The following CHL1 variants were observed in gnomAD, a reference collection of about 807,000 sequenced individuals.
The protein encoded by CHL1 is cell adhesion molecule L1 like.
A neutral mutation model predicts 141.9 loss-of-function variants in CHL1; 96 were observed. The ratio of observed to expected loss-of-function variants is 0.68; its 90% CI spans 0.57 to 0.80. The LOEUF is 0.80. Ranked by LOEUF, CHL1 falls within the 30% of genes least tolerant of loss-of-function variation. CHL1 has a pLI of 0.00. For missense variants in CHL1, 1,820 were observed against 1,457.2 expected, an observed-to-expected ratio of 1.25 and a Z score of -4.05; for synonymous variants, 613 against 502.2, an observed-to-expected ratio of 1.22 and a Z score of -2.95.
chr3:286,887 C>A (rs183488034), intron 2 of CHL1, among the ~76,000 whole-genome samples: 1 of 152,170 alleles, frequency 6.6e-6, no homozygotes, highest in African/African-American at 2.4e-5. Flanking sequence ...TGTCTTTTAG[C>A]GTGCTAATTA....
intron 7 of CHL1, among the ~76,000 whole-genome samples, chr3:342,781 A>G (rs1702440686): frequency 6.6e-6 from 1 of 152,144 alleles, no homozygotes; most frequent in African/African-American, 2.4e-5. Flanking sequence ...CTATAACTTG[A>G]ATCTTCTCCA....
At position 405,896 on chromosome 3, in the gene CHL1, C is replaced by A; in HGVS notation, c.*185C>A. 1.8e-6 allele frequency: 1 copy of A among 555,078 alleles called. No individual in the cohort carries two copies. Among genetic ancestry groups the A allele is most frequent in the Non-Finnish European group, 3.2e-6 (1 of 310,506 alleles). The allele number at this position is 555,078 out of a possible 1,614,324, so 34.4% of individuals were successfully genotyped here. A position where few individuals can be genotyped will look rare whatever the true frequency, so the allele number is the denominator to read the frequency against. Reference sequence around the variant, plus strand: ...TCAAAATATAAAATGCCAAGCACTTCAGGCCTATGTTTTGCTTATATTGTT... The same window carrying A: ...TCAAAATATAAAATGCCAAGCACTTAAGGCCTATGTTTTGCTTATATTGTT... On this transcript the variant is annotated 3_prime_UTR_variant, in exon 28 of 28. Coordinates refer to ENST00000256509, the MANE Select transcript of CHL1 (RefSeq NM_006614.4).
intron 1 of CHL1, among the ~76,000 whole-genome samples, chr3:222,998 T>G (rs1700992862): frequency 1.3e-5 from 2 of 152,172 alleles, no homozygotes; most frequent in South Asian, 4.1e-4. Flanking sequence ...GCTTCTCTTG[T>G]GTAAAGACAC....
intron 4 of CHL1, among the ~76,000 whole-genome samples, chr3:327,589 GA>G (rs1188062864): frequency 6.6e-6 from 1 of 151,770 alleles, no homozygotes; most frequent in East Asian, 1.9e-4. Context: ...TTCATAAAAG[GA>G]AAAACATTGA....
chr3:367,664 G>A (rs2125304108), intron 15 of CHL1, among the ~76,000 whole-genome samples: 2 of 151,516 alleles, frequency 1.3e-5, no homozygotes, highest in South Asian at 4.2e-4. Flanking sequence ...TTTAATTTTT[G>A]TTTTTCTTTA....
chr3:331,473 C>T (rs1701433924), intron 5 of CHL1, among the ~76,000 whole-genome samples: 2 of 152,052 alleles, frequency 1.3e-5, no homozygotes, highest in Non-Finnish European at 2.9e-5. Flanking sequence ...ACCTCCCAGC[C>T]TCGAGCAATC....
At chr3:279,060 T>G (rs902568769) in intron 2 of CHL1, among the ~76,000 whole-genome samples, 4 of 152,168 alleles carry the variant, frequency 2.6e-5, no homozygotes, top group African/African-American at 9.7e-5. Context: ...AAAACAATAT[T>G]CAGAATGATG....
chr3:260,030 C>T (rs1347837328), intron 2 of CHL1, among the ~76,000 whole-genome samples: 2 of 152,098 alleles, frequency 1.3e-5, no homozygotes, highest in African/African-American at 2.4e-5. Context: ...TCTAGGAGGC[C>T]GAGGCAGGCC....
chr3:302,585 A>G (rs1385920646), intron 2 of CHL1, among the ~76,000 whole-genome samples: 1 of 152,078 alleles, frequency 6.6e-6, no homozygotes, highest in Non-Finnish European at 1.5e-5. Flanking sequence ...CCATTTGTTG[A>G]TCAGGTTGTT....
intron 3 of CHL1, among the ~76,000 whole-genome samples, chr3:323,123 G>T (rs1341104691): frequency 2.0e-5 from 3 of 151,872 alleles, no homozygotes; most frequent in Non-Finnish European, 2.9e-5. Flanking sequence ...TTAAAGTTAT[G>T]ACTGACAAAT....
chr3:274,685 A>G (rs1432840178), intron 2 of CHL1, among the ~76,000 whole-genome samples: 3 of 152,126 alleles, frequency 2.0e-5, no homozygotes, highest in Non-Finnish European at 4.4e-5. Context: ...AAACAGGATA[A>G]TTTTTACCAT....
At chr3:338,889 G>A (rs17527233) in intron 5 of CHL1, among the ~76,000 whole-genome samples, 8,831 of 152,182 alleles carry the variant, frequency 0.058, 395 homozygotes, top group Non-Finnish European at 0.091. Context: ...CTATCTGTTC[G>A]AATTGCTAGG....
At chr3:332,141 A>G (rs925511502) in intron 5 of CHL1, among the ~76,000 whole-genome samples, 4 of 152,168 alleles carry the variant, frequency 2.6e-5, no homozygotes, top group Non-Finnish European at 5.9e-5. Context: ...TTTATATTTA[A>G]AAATATGCTG....
intron 2 of CHL1, among the ~76,000 whole-genome samples, chr3:301,322 T>G (rs1698707057): frequency 6.6e-6 from 1 of 152,166 alleles, no homozygotes; most frequent in South Asian, 2.1e-4. Context: ...ATGACATAAC[T>G]CTGAGTAAAT....
chr3:216,866 C>A (rs1208786145), intron 1 of CHL1, among the ~76,000 whole-genome samples: 1 of 152,196 alleles, frequency 6.6e-6, no homozygotes, highest in African/African-American at 2.4e-5. Context: ...GAAGCTAACA[C>A]TGAATTCAGC....
At chr3:315,306 G>C (rs1559241914) in intron 2 of CHL1, among the ~76,000 whole-genome samples, 1 of 152,136 alleles carries the variant, frequency 6.6e-6, no homozygotes, top group Admixed American at 6.5e-5. Flanking sequence ...TGGTGGCTTT[G>C]AACCCAGGTC....
intron 1 of CHL1, among the ~76,000 whole-genome samples, chr3:208,708 G>A (rs1248024565): frequency 6.6e-6 from 1 of 152,172 alleles, no homozygotes; most frequent in Non-Finnish European, 1.5e-5. Context: ...CTGCGTGAGG[G>A]TGGGGTTCAC....
At chr3:323,746 T>A (rs562176196) in intron 3 of CHL1, among the ~76,000 whole-genome samples, 1 of 152,222 alleles carries the variant, frequency 6.6e-6, no homozygotes. Context: ...TGGCCTTTAG[T>A]TCTAGCCACT....
At chr3:345,876 A>G (rs1221750905) in intron 9 of CHL1, among the ~76,000 whole-genome samples, 1 of 152,246 alleles carries the variant, frequency 6.6e-6, no homozygotes, top group Non-Finnish European at 1.5e-5. Context: ...ACTGTTAAGT[A>G]CATGTAAACA....
Sources: allele counts gnomAD v4.1 joint callset (sites outside exome capture counted in the v4.1 genomes callset), GRCh38; gene constraint gnomAD v4.1.1; transcripts MANE v1.5; gene names NCBI Gene and HGNC (gene_info 2026-07-23, HGNC 2026-07-21).